The following RORA variants were observed in gnomAD, a reference collection of about 807,000 sequenced individuals.
RORA encodes nuclear receptor ROR-alpha.
In RORA, 7 loss-of-function variants were observed where a neutral mutation model predicts 69.5. That is an observed-to-expected ratio of 0.10 (90% CI 0.06 to 0.19). RORA has a LOEUF of 0.19. RORA is among the 10% of genes least tolerant of loss of function. The pLI is 1.00. For missense variants in RORA, 457 were observed against 663.0 expected (o/e 0.69, Z 3.41); for synonymous variants, 261 against 240.8 (o/e 1.08, Z -0.78).
Position 60,936,980 on chromosome 15 carries a change from A to C in RORA, c.167-258294T>G, listed in dbSNP as rs190355263. Among the ~76,000 whole-genome samples, 7 of 152,292 alleles carry C rather than the reference A, an allele frequency of 4.6e-5. No individual in the cohort carries two copies. In the East Asian group the frequency reaches 1.2e-3, roughly 25 times the overall value. On this transcript the variant is annotated intron_variant, in intron 1 of 10. Coordinates refer to ENST00000335670, the MANE Select transcript of RORA (RefSeq NM_134261.3). ...CTGTGAAGGAAAGGGTATAGGTCTT[A>C]TATTTTTTTTTAATCCAATGATAAC... is the stretch of plus-strand genomic sequence containing the variant.
chr15:60,646,723 T>C (rs2070052599), intron 2 of RORA, among the ~76,000 whole-genome samples: 1 of 152,204 alleles, frequency 6.6e-6, no homozygotes. Flanking sequence ...ATTTACTCCC[T>C]GCACCAAGAC....
intron 1 of RORA, among the ~76,000 whole-genome samples, chr15:61,032,958 C>A (rs778456341): frequency 1.1e-4 from 17 of 152,072 alleles, no homozygotes; most frequent in Non-Finnish European, 2.1e-4. Flanking sequence ...GGCACTTTGC[C>A]AGGTGCTTTA....
intron 1 of RORA, among the ~76,000 whole-genome samples, chr15:60,750,263 C>T (rs1185592978): frequency 6.6e-6 from 1 of 152,196 alleles, no homozygotes; most frequent in Non-Finnish European, 1.5e-5. Context: ...GTCATATCTA[C>T]AGCTGAGAAA....
chr15:60,898,535 A>T (rs1263462226), intron 1 of RORA, among the ~76,000 whole-genome samples: 1 of 151,210 alleles, frequency 6.6e-6, no homozygotes, highest in African/African-American at 2.4e-5. Context: ...AAATAAATAA[A>T]TAAATAAATT....
At chr15:60,823,528 C>G (rs2072921066) in intron 1 of RORA, among the ~76,000 whole-genome samples, 1 of 152,234 alleles carries the variant, frequency 6.6e-6, no homozygotes, top group Non-Finnish European at 1.5e-5. Context: ...GCCTGGCACA[C>G]AGTGGGCACT....
intron 1 of RORA, among the ~76,000 whole-genome samples, chr15:61,185,557 C>G (rs958021922): frequency 1.3e-5 from 2 of 152,208 alleles, no homozygotes; most frequent in Non-Finnish European, 2.9e-5. Context: ...TGCTATCTCA[C>G]TGGTCCCCCA....
At chr15:60,726,203 G>A (rs2071354883) in intron 1 of RORA, among the ~76,000 whole-genome samples, 1 of 152,106 alleles carries the variant, frequency 6.6e-6, no homozygotes, top group South Asian at 2.1e-4. Context: ...TGCTTTCAGA[G>A]TCACCTTCAC....
chr15:60,798,445 T>C (rs1408535657), intron 1 of RORA, among the ~76,000 whole-genome samples: 1 of 152,126 alleles, frequency 6.6e-6, no homozygotes, highest in African/African-American at 2.4e-5. Context: ...TTAGAATCCA[T>C]GGACTCTTAT....
At chr15:60,570,713 A>G (rs1595991869) in intron 2 of RORA, among the ~76,000 whole-genome samples, 1 of 152,304 alleles carries the variant, frequency 6.6e-6, no homozygotes, top group East Asian at 1.9e-4. Flanking sequence ...CATGAGCCTC[A>G]TCTTGTACCC....
Position 60,755,526 on chromosome 15 carries a change from T to C in RORA, c.167-76840A>G, listed in dbSNP as rs555412831. On this transcript the variant is annotated intron_variant, in intron 1 of 10. Transcript: ENST00000335670. ...GTAATGGGATGGCTGGGTCAAATGGTATTTCTGGTTCTAGATCCCTGAGGA... is the reference window on the plus strand; with the variant it reads ...GTAATGGGATGGCTGGGTCAAATGGCATTTCTGGTTCTAGATCCCTGAGGA... 9.2e-5 allele frequency among the ~76,000 whole-genome samples: 14 copies of C among 152,212 alleles called. 1 individual carries two copies. In the East Asian group the frequency reaches 2.3e-3, roughly 25 times the overall value.
In RORA at chr15:60,496,915, G is replaced by C. The variant is rs1207785607; in HGVS notation, c.*540C>G. 6.6e-6 allele frequency: 1 copy of C among 152,310 alleles called. No individual in the cohort carries two copies. Among genetic ancestry groups the C allele is most frequent in the Non-Finnish European group, 1.5e-5 (1 of 68,164 alleles). 9.4% of individuals were successfully genotyped at this position (152,310 alleles called of 1,614,324 possible). A position where few individuals can be genotyped will look rare whatever the true frequency, so the allele number is the denominator to read the frequency against. ...TATAGTCTTCATGCCCATTTACCCT[G>C]TAATATATTATAATGCTATTGTTGC... On this transcript the variant is annotated 3_prime_UTR_variant, in exon 11 of 11. Transcript: ENST00000335670. The surrounding 1 kb of genome is among the most constrained non-coding windows in gnomAD (Gnocchi z 4.5).
intron 1 of RORA, among the ~76,000 whole-genome samples, chr15:60,817,463 C>T (rs1486094112): frequency 2.6e-5 from 4 of 152,182 alleles, no homozygotes; most frequent in Admixed American, 6.5e-5. Flanking sequence ...ATCTGTAAAG[C>T]GGTGCAATAA....
chr15:60,571,825 G>C (rs537125015), intron 2 of RORA, among the ~76,000 whole-genome samples: 1 of 152,302 alleles, frequency 6.6e-6, no homozygotes, highest in Non-Finnish European at 1.5e-5. Context: ...CTGCTGGGAA[G>C]TTATCAAAAT....
intron 2 of RORA, among the ~76,000 whole-genome samples, chr15:60,638,925 C>T (rs2069888252): frequency 6.6e-6 from 1 of 152,060 alleles, no homozygotes; most frequent in Non-Finnish European, 1.5e-5. Flanking sequence ...CTTAGCTCTT[C>T]TTAATTTTTA....
intron 1 of RORA, among the ~76,000 whole-genome samples, chr15:61,144,301 T>C (rs879352905): frequency 6.6e-5 from 10 of 152,204 alleles, no homozygotes; most frequent in Non-Finnish European, 1.3e-4. Context: ...GCGATGGCCA[T>C]TCAGAGTTGT....
chr15:60,897,503 A>G (rs1203890859), intron 1 of RORA, among the ~76,000 whole-genome samples: 2 of 152,232 alleles, frequency 1.3e-5, no homozygotes, highest in Non-Finnish European at 2.9e-5. Flanking sequence ...TAATGGTTCC[A>G]GAGACCAGGA....
chr15:60,952,105 C>A (rs1363201257), intron 1 of RORA, among the ~76,000 whole-genome samples: 1 of 150,960 alleles, frequency 6.6e-6, no homozygotes, highest in African/African-American at 2.4e-5. Context: ...ATCAAGTGGG[C>A]TTCATCCCTG....
At chr15:60,745,556 G>A (rs1432390100) in intron 1 of RORA, among the ~76,000 whole-genome samples, 1 of 152,100 alleles carries the variant, frequency 6.6e-6, no homozygotes, top group African/African-American at 2.4e-5. Flanking sequence ...CTTGGCCTCG[G>A]CATGGCCAGA....
At position 60,708,047 on chromosome 15, in the gene RORA, C is replaced by T. The variant is rs1247995395; in HGVS notation, c.167-29361G>A. ...TGCTCAGCCTCTCCTTCCAAACTAA[C>T]TGTCACCTCCTTGGACTGAGGCTTA... On this transcript the variant is annotated intron_variant, in intron 1 of 10. Transcript: ENST00000335670. Among the ~76,000 whole-genome samples the T allele has an allele frequency of 2.0e-5, 3 of 152,196 alleles. No homozygotes were observed. The East Asian group carries it at 5.8e-4, about 29-fold the overall frequency.
Sources: allele counts gnomAD v4.1 joint callset (sites outside exome capture counted in the v4.1 genomes callset), GRCh38; gene constraint gnomAD v4.1.1; non-coding constraint Gnocchi (gnomAD v3.1); transcripts MANE v1.5; gene names NCBI Gene and HGNC (gene_info 2026-07-23, HGNC 2026-07-21).